The following SVEP1 variants were observed in gnomAD, a reference collection of about 807,000 sequenced individuals.
The protein encoded by SVEP1 is sushi, von Willebrand factor type A, EGF and pentraxin domain-containing protein 1.
Under a neutral mutation model 367.3 loss-of-function variants are expected in SVEP1, and 164 were observed. That is an observed-to-expected ratio of 0.45 (90% CI 0.39 to 0.51). The LOEUF (loss-of-function observed/expected upper bound fraction) is 0.51. Among genes scored for constraint, SVEP1 ranks in the 20% least tolerant of loss-of-function variants. The pLI is 0.00. For missense variants in SVEP1, 4,117 were observed against 4,425.3 expected (o/e 0.93, Z 1.98); for synonymous variants, 1,666 against 1,611.6 (o/e 1.03, Z -0.81).
At chr9:110,538,328 C>T (rs796828182) in intron 3 of SVEP1, among the ~76,000 whole-genome samples, 6 of 152,122 alleles carry the variant, frequency 3.9e-5, no homozygotes, top group African/African-American at 1.4e-4. Flanking sequence ...TGTATAAATT[C>T]CTTATACCTT....
chr9:110,447,955 G>A (rs554247112), intron 24 of SVEP1, among the ~76,000 whole-genome samples: 1 of 119,742 alleles, frequency 8.4e-6, no homozygotes, highest in Non-Finnish European at 1.8e-5. Context: ...ATATCATGCT[G>A]AGTGGAAAAA....
At chr9:110,389,030 C>CTGGGGATAAAGTTA (rs1179309069) in intron 41 of SVEP1, among the ~76,000 whole-genome samples, 1 of 152,122 alleles carries the variant, frequency 6.6e-6, no homozygotes, top group Non-Finnish European at 1.5e-5. Context: ...GAAGGGAATA[C>CTGGGGATAAAGTTA]TGGGGATAAA....
rs1482849952 is a variant in SVEP1, at chr9:110,452,192, TAC to T, written c.3788-792_3788-791del. On this transcript the variant is annotated intron_variant, in intron 22 of 47. Transcript: ENST00000374469. ...AGAACAGTAAATCTAACATAAAATCTACACTTTCATACAGACCATTATGAACA... is the reference window on the plus strand; with the variant it reads ...AGAACAGTAAATCTAACATAAAATCTACTTTCATACAGACCATTATGAACA... 2.0e-5 allele frequency among the ~76,000 whole-genome samples: 3 copies of T among 152,338 alleles called. No homozygotes were observed. The South Asian group carries it at 6.2e-4, about 32-fold the overall frequency.
chr9:110,398,777 A>T (rs1326574729), intron 40 of SVEP1, among the ~76,000 whole-genome samples: 1 of 152,258 alleles, frequency 6.6e-6, no homozygotes, highest in East Asian at 1.9e-4. Flanking sequence ...GAGAAATGCA[A>T]ATCAAAACCA....
At chr9:110,500,868 A>G (rs1438318238) in intron 6 of SVEP1, among the ~76,000 whole-genome samples, 1 of 151,950 alleles carries the variant, frequency 6.6e-6, no homozygotes, top group African/African-American at 2.4e-5. Flanking sequence ...TTCCTTTTCA[A>G]ACTGATTTTA....
At position 110,408,145 on chromosome 9, in the gene SVEP1, G is replaced by A. The variant is rs73655343; in HGVS notation, c.7455C>T (p.His2485=). ...TACATGTTGGTTTTCCTCCAAGCCA[G>A]TGACCATTTTCTCCACAAAGGGTGG... ...NTTTLCGENG[H]WLGGKPTCKA... Residue 2485 remains histidine (H), a synonymous_variant, in exon 38 of 48, where the codon CAC becomes CAT. Coordinates refer to ENST00000374469, the MANE Select transcript of SVEP1 (RefSeq NM_153366.4). 9,715 of 1,613,858 alleles carry A rather than the reference G, an allele frequency of 6.0e-3. 474 individuals carry two copies. The African/African-American group carries it at 0.11, about 19-fold the overall frequency.
At chr9:110,368,489 T>G (rs1177422418) in intron 47 of SVEP1, among the ~76,000 whole-genome samples, 2 of 152,224 alleles carry the variant, frequency 1.3e-5, no homozygotes, top group Non-Finnish European at 2.9e-5. Flanking sequence ...CTTGTTTTCC[T>G]GATTAATGTA....
intron 1 of SVEP1, among the ~76,000 whole-genome samples, chr9:110,554,000 G>C (rs375324114): frequency 1.3e-5 from 2 of 151,990 alleles, no homozygotes; most frequent in African/African-American, 4.8e-5. Flanking sequence ...TTTTGTCTTT[G>C]CTGTGACATA....
At chr9:110,389,486 G>A in intron 41 of SVEP1, 38 bp downstream of exon 41, 1 of 1,607,134 alleles carries the variant, frequency 6.2e-7, no homozygotes, top group Non-Finnish European at 8.5e-7. Context: ...TGTGTCCTCA[G>A]TGTCATTTTG....
chr9:110,463,245 C>T lies in SVEP1; in HGVS notation c.3322+2620G>A, dbSNP rs59145682. On this transcript the variant is annotated intron_variant, in intron 18 of 47. Transcript: ENST00000374469. ...AACAACAACAACAACAAGTACCTGT[C>T]GAACTTATTCTTCTGATAAAAATCA... 4.2e-3 allele frequency among the ~76,000 whole-genome samples: 643 copies of T among 151,740 alleles called. 5 individuals carry two copies. The highest frequency in any genetic ancestry group is 0.014 in the African/African-American group (600 of 41,386).
intron 8 of SVEP1, among the ~76,000 whole-genome samples, chr9:110,494,132 A>G (rs1344640272): frequency 6.6e-6 from 1 of 152,192 alleles, no homozygotes; most frequent in African/African-American, 2.4e-5. Flanking sequence ...CTTTCATCAC[A>G]TCTACAAAGT....
chr9:110,530,563 G>C (rs955737248), intron 3 of SVEP1, among the ~76,000 whole-genome samples: 1 of 152,032 alleles, frequency 6.6e-6, no homozygotes, highest in African/African-American at 2.4e-5. Context: ...TTGAGACAGG[G>C]TCTTGCTCTG....
Position 110,390,291 on chromosome 9 carries a change from T to TA in SVEP1, c.9823-705_9823-704insT, listed in dbSNP as rs1564127502. 5.1e-3 allele frequency among the ~76,000 whole-genome samples: 134 copies of TA among 26,380 alleles called. 8 individuals carry two copies. Among genetic ancestry groups the TA allele is most frequent in the Non-Finnish European group, 7.5e-3 (104 of 13,950 alleles). 17.3% of individuals were successfully genotyped at this position (26,380 alleles called of 152,430 possible). The stretch of plus-strand genomic sequence containing the variant: ...TATATATACTTATATATATACATAC[T>TA]TATATATACTTATATAAGTATGTGT... On this transcript the variant is annotated intron_variant, in intron 40 of 47. Coordinates refer to ENST00000374469, the MANE Select transcript of SVEP1 (RefSeq NM_153366.4).
intron 3 of SVEP1, among the ~76,000 whole-genome samples, chr9:110,524,126 C>T (rs535973886): frequency 5.3e-5 from 8 of 151,964 alleles, no homozygotes; most frequent in East Asian, 1.9e-4. Flanking sequence ...ATTTGAATAG[C>T]CCTATGGTTA....
At chr9:110,398,604 G>A (rs1397990206) in intron 40 of SVEP1, among the ~76,000 whole-genome samples, 1 of 152,080 alleles carries the variant, frequency 6.6e-6, no homozygotes, top group Admixed American at 6.6e-5. Context: ...CTGACAAAGG[G>A]CTAATACCCA....
chr9:110,554,727 C>CGTGTGTGTGT (rs147546940), intron 1 of SVEP1, among the ~76,000 whole-genome samples: 5,982 of 148,624 alleles, frequency 0.04, 148 homozygotes, highest in Non-Finnish European at 0.049. Context: ...TATAGATGTG[C>CGTGTGTGTGT]GTGTGTGTGT....
chr9:110,383,276 T>TTGC (rs1554710123), intron 43 of SVEP1, among the ~76,000 whole-genome samples: 3 of 152,084 alleles, frequency 2.0e-5, no homozygotes, highest in African/African-American at 7.3e-5. Context: ...GCTGTTGTTG[T>TTGC]TGTTGCTGCT....
intron 9 of SVEP1, among the ~76,000 whole-genome samples, chr9:110,486,937 A>G (rs12115731): frequency 0.03 from 4,257 of 139,788 alleles, 192 homozygotes; most frequent in African/African-American, 0.11. Context: ...GAGCCACCAC[A>G]CCTGGACCTT....
chr9:110,443,929 T>C (rs1828552843), intron 26 of SVEP1, among the ~76,000 whole-genome samples: 1 of 152,076 alleles, frequency 6.6e-6, no homozygotes, highest in South Asian at 2.1e-4. Context: ...TCACTGAAAA[T>C]TGGTTTGTGT....
Sources: gnomAD v4.1 joint callset for allele counts (sites outside exome capture counted in the v4.1 genomes callset) on GRCh38, gnomAD v4.1.1 for gene constraint, MANE v1.5 for transcripts, NCBI Gene and HGNC (gene_info 2026-07-23, HGNC 2026-07-21) for gene names.